The following FAAP20 variants were observed in gnomAD, a reference collection of about 807,000 sequenced individuals.
FAAP20 encodes Fanconi anemia core complex-associated protein 20.
FAAP20 carries 12 observed loss-of-function variants against 16.2 expected under a neutral mutation model. The observed-to-expected ratio is 0.74, with a 90% confidence interval of 0.48 to 1.20. The LOEUF (loss-of-function observed/expected upper bound fraction) is 1.20. Among genes scored for constraint, FAAP20 ranks in the 50% most tolerant of loss-of-function variants. The pLI is 0.00. For missense variants in FAAP20, 288 were observed against 245.8 expected (o/e 1.17, Z -1.15); for synonymous variants, 141 against 110.7 (o/e 1.27, Z -1.72).
upstream of FAAP20, chr1:2,203,802 G>GCACCTCTGTCAC: frequency 3.8e-6 from 1 of 262,472 alleles, no homozygotes; most frequent in Non-Finnish European, 5.9e-6. Flanking sequence ...CCCTGTGACA[G>GCACCTCTGTCAC]AGGTGCTGTC....
At chr1:2,201,017 C>T (rs1215546713), upstream of FAAP20, 3 of 1,269,376 alleles carry the variant, frequency 2.4e-6, no homozygotes, top group Non-Finnish European at 3.1e-6. Flanking sequence ...TGAGATGCTG[C>T]CTGGTCCCTG....
upstream of FAAP20, among the ~76,000 whole-genome samples, chr1:2,197,601 G>C (rs1161498402): frequency 2.6e-5 from 4 of 152,252 alleles, no homozygotes; most frequent in Admixed American, 2.6e-4. Flanking sequence ...AGAGGAGCCA[G>C]GGCCCCAGGC....
chr1:2,201,789 A>G (rs541914009), upstream of FAAP20, among the ~76,000 whole-genome samples: 306 of 152,212 alleles, frequency 2.0e-3, 3 homozygotes, highest in African/African-American at 7.1e-3. Context: ...AGGCCAAGGC[A>G]GGCGGATCAC....
downstream of FAAP20, chr1:2,186,041 T>C: frequency 2.2e-6 from 1 of 451,968 alleles, no homozygotes; most frequent in Non-Finnish European, 4.5e-6. Flanking sequence ...AGCTGAGGCT[T>C]CCTAGAGGCA....
downstream of FAAP20, among the ~76,000 whole-genome samples, chr1:2,188,116 G>A (rs1305247642): frequency 6.6e-6 from 1 of 152,198 alleles, no homozygotes; most frequent in Non-Finnish European, 1.5e-5. Flanking sequence ...CACCACGTCT[G>A]CCCCCAGATC....
chr1:2,197,979 G>A (rs1688889746), upstream of FAAP20: 1 of 1,278,076 alleles, frequency 7.8e-7, no homozygotes, highest in Admixed American at 2.3e-5. Context: ...TCAAGACAAG[G>A]AAGCATGTTC....
At chr1:2,192,623 T>G in intron 3 of FAAP20, 1 of 1,163,222 alleles carries the variant, frequency 8.6e-7, no homozygotes, top group South Asian at 1.7e-5. Flanking sequence ...AACAGTACCC[T>G]CTGTCCGTGA....
At chr1:2,184,873 G>A (rs1687335741), downstream of FAAP20, 1 of 1,528,398 alleles carries the variant, frequency 6.5e-7, no homozygotes, top group Non-Finnish European at 9.0e-7. Context: ...TTCCCCCAAG[G>A]GAATGAACAC....
At chr1:2,187,752 G>T (rs1687750408), downstream of FAAP20, among the ~76,000 whole-genome samples, 1 of 152,140 alleles carries the variant, frequency 6.6e-6, no homozygotes, top group South Asian at 2.1e-4. Context: ...GCTCACAGCT[G>T]CTGGGCCTGC....
rs1329021852 is a variant in FAAP20 at position 2,194,702 on chromosome 1, C to T, written c.48G>A (p.Pro16=). 1.7e-6 allele frequency: 2 copies of T among 1,169,812 alleles called. No homozygotes were observed. Among genetic ancestry groups the T allele is most frequent in the Non-Finnish European group, 2.1e-6 (2 of 950,170 alleles). 72.5% of individuals were successfully genotyped at this position (1,169,812 alleles called of 1,614,324 possible). ...CCCGGCCTCACCCGCCCGCCGGGCG[C>T]GGCCTCCGGCGGCTCAACCCCAGCC... The part of the protein sequence containing the change: ...RPRLGLSRRR[P]RPAGGPSGGR... Residue 16 remains proline, a synonymous_variant, in exon 1 of 4, where the codon CCG becomes CCA. Coordinates refer to ENST00000378546, the MANE Select transcript of FAAP20 (RefSeq NM_182533.4).
rs375232515 is a variant in FAAP20 at position 2,189,666 on chromosome 1, C to A, written c.*43G>T. 5.2e-6 allele frequency: 8 copies of A among 1,530,334 alleles called. No homozygotes were observed. The highest frequency in any genetic ancestry group is 7.2e-6 in the Non-Finnish European group (8 of 1,111,900). 94.8% of individuals were successfully genotyped at this position (1,530,334 alleles called of 1,614,324 possible). ...AGGCGGGGCTGCTGGCGGGGGAGAG[C>A]GTGTCCGGGCGCCGCACTCTGCGCA... On this transcript the variant is annotated 3_prime_UTR_variant, in exon 4 of 4. Coordinates refer to ENST00000378546, the MANE Select transcript of FAAP20 (RefSeq NM_182533.4).
upstream of FAAP20, among the ~76,000 whole-genome samples, chr1:2,202,276 C>A (rs952489591): frequency 6.6e-6 from 1 of 152,124 alleles, no homozygotes; most frequent in African/African-American, 2.4e-5. Context: ...CCAGCTATGC[C>A]CTCCATATGT....
chr1:2,184,848 C>T (rs45459595), downstream of FAAP20: 23,755 of 1,439,012 alleles, frequency 0.017, 238 homozygotes, highest in Non-Finnish European at 0.02. Context: ...GATTCTTATG[C>T]GAACGTGACT....
chr1:2,187,387 C>T (rs1441468122), downstream of FAAP20, among the ~76,000 whole-genome samples: 2 of 151,734 alleles, frequency 1.3e-5, no homozygotes, highest in Admixed American at 1.3e-4. Flanking sequence ...TCACTGCAAC[C>T]TCCACCTCCC....
At chr1:2,198,345 G>A (rs1688907807), upstream of FAAP20, 3 of 427,382 alleles carry the variant, frequency 7.0e-6, no homozygotes, top group Admixed American at 1.1e-4. Context: ...GGGCTAGGAG[G>A]CCCCTTACCC....
chr1:2,195,906 C>A (rs1399146325), upstream of FAAP20, among the ~76,000 whole-genome samples: 1 of 152,234 alleles, frequency 6.6e-6, no homozygotes, highest in Non-Finnish European at 1.5e-5. Flanking sequence ...CACCAACCCC[C>A]AGGCCCTTCG....
chr1:2,198,063 T>C (rs1572128058), upstream of FAAP20: 1 of 1,291,546 alleles, frequency 7.7e-7, no homozygotes, highest in Non-Finnish European at 1.0e-6. Flanking sequence ...GTGATGGTGA[T>C]GGTGGAGGTT....
chr1:2,186,536 AG>A (rs1161786528), downstream of FAAP20, among the ~76,000 whole-genome samples: 1 of 120,898 alleles, frequency 8.3e-6, no homozygotes, highest in Non-Finnish European at 1.6e-5. Context: ...TGGAATGTGG[AG>A]ACGGGTTTCA....
downstream of FAAP20, chr1:2,185,523 C>G: frequency 1.4e-6 from 1 of 716,204 alleles, no homozygotes; most frequent in Non-Finnish European, 2.6e-6. Flanking sequence ...CCTGTGGGGA[C>G]ACACCGCAAT....
Sources: gnomAD v4.1 joint callset for allele counts (sites outside exome capture counted in the v4.1 genomes callset) on GRCh38, gnomAD v4.1.1 for gene constraint, MANE v1.5 for transcripts, NCBI Gene and HGNC (gene_info 2026-07-23, HGNC 2026-07-21) for gene names.